DLGAP2: variants seen among roughly 807,000 people sequenced by gnomAD.
DLGAP2 encodes DLG associated protein 2.
DLGAP2 carries 26 observed loss-of-function variants against 100.3 expected under a neutral mutation model. That is an observed-to-expected ratio of 0.26 (90% confidence interval 0.19 to 0.36). The LOEUF is 0.36. Among genes scored for constraint, DLGAP2 ranks in the 10% least tolerant of loss-of-function variants. The pLI, the probability that DLGAP2 is intolerant of heterozygous loss-of-function variation, is 1.00. For synonymous variants in DLGAP2, 886 were observed against 630.1 expected (o/e 1.41, Z -6.08); for missense variants, 1,858 against 1,453.2 (o/e 1.28, Z -4.53).
intron 2 of DLGAP2, among the ~76,000 whole-genome samples, chr8:1,020,621 G>A (rs1206527173): frequency 1.3e-5 from 2 of 152,240 alleles, no homozygotes; most frequent in Non-Finnish European, 2.9e-5. Context: ...CATTAACAGC[G>A]ATGGTGGTGA....
intron 4 of DLGAP2, among the ~76,000 whole-genome samples, chr8:1,526,799 C>G (rs1800810002): frequency 6.6e-6 from 1 of 152,194 alleles, no homozygotes; most frequent in African/African-American, 2.4e-5. Context: ...CCCAGAGCTT[C>G]CCAGAGACTC....
At chr8:773,459 C>G (rs1026619865) in intron 1 of DLGAP2, among the ~76,000 whole-genome samples, 1 of 151,644 alleles carries the variant, frequency 6.6e-6, no homozygotes, top group Non-Finnish European at 1.5e-5. Context: ...AACTCGTCAT[C>G]TAGCATTAGG....
At chr8:1,187,698 C>T (rs1797540121) in intron 2 of DLGAP2, among the ~76,000 whole-genome samples, 1 of 147,312 alleles carries the variant, frequency 6.8e-6, no homozygotes, top group African/African-American at 2.5e-5. Context: ...CGCCCAGGAC[C>T]TCTGTGACGT....
At chr8:1,350,263 T>C (rs11985120) in intron 3 of DLGAP2, among the ~76,000 whole-genome samples, 6,269 of 34,546 alleles carry the variant, frequency 0.18, 368 homozygotes, top group East Asian at 0.21. Context: ...CCTGAGCATG[T>C]GTGGAACGGC....
At chr8:1,424,813 A>G (rs561202874) in intron 3 of DLGAP2, among the ~76,000 whole-genome samples, 1 of 152,326 alleles carries the variant, frequency 6.6e-6, no homozygotes, top group South Asian at 2.1e-4. Flanking sequence ...ATCCCCTTAT[A>G]CGCAGCACCT....
rs144952484 is a variant in DLGAP2, at chr8:1,445,559, C to T, written c.107-55807C>T. On this transcript the variant is annotated intron_variant, in intron 3 of 14. Coordinates refer to ENST00000637795, the MANE Select transcript of DLGAP2 (RefSeq NM_001346810.2). Reference sequence around the variant, plus strand: ...GTGCCGCAATAAACACACGCGTGCACGTGTCTTTATAGCAGCATGATTTAT... The same window carrying T: ...GTGCCGCAATAAACACACGCGTGCATGTGTCTTTATAGCAGCATGATTTAT... 7.4e-3 allele frequency among the ~76,000 whole-genome samples: 1,130 copies of T among 152,154 alleles called. 15 individuals are homozygous for T. Among genetic ancestry groups the T allele is most frequent in the African/African-American group, 0.025 (1,038 of 41,510 alleles).
chr8:1,120,713 G>A (rs573314494), intron 2 of DLGAP2, among the ~76,000 whole-genome samples: 7 of 151,444 alleles, frequency 4.6e-5, no homozygotes, highest in South Asian at 2.1e-4. Flanking sequence ...ATCCGTTACC[G>A]CCCATTCTAG....
rs548600337 is a variant in DLGAP2, at chr8:827,847, T to C, written c.19-80065T>C. On this transcript the variant is annotated intron_variant, in intron 1 of 14. Coordinates refer to ENST00000637795, the MANE Select transcript of DLGAP2 (RefSeq NM_001346810.2). ...CTGCCCCGATAATCACGTAGGTTCTTTTCTATTTTCCTAAGCGTCGGCTGG... is the reference window on the plus strand; with the variant it reads ...CTGCCCCGATAATCACGTAGGTTCTCTTCTATTTTCCTAAGCGTCGGCTGG... 1.9e-3 allele frequency among the ~76,000 whole-genome samples: 290 copies of C among 152,262 alleles called. 1 individual carries two copies. The highest frequency in any genetic ancestry group is 3.0e-3 in the Non-Finnish European group (205 of 68,020).
intron 1 of DLGAP2, among the ~76,000 whole-genome samples, chr8:775,415 C>T (rs1292433788): frequency 2.7e-5 from 4 of 145,898 alleles, no homozygotes; most frequent in African/African-American, 7.6e-5. Context: ...AGAGGGCATC[C>T]CTGTCTTGTG....
intron 3 of DLGAP2, chr8:1,302,323 T>G (rs1436417572): frequency 8.8e-6 from 1 of 113,404 alleles, no homozygotes; most frequent in East Asian, 2.4e-4. Flanking sequence ...GTTCCCGAGC[T>G]CTGCTCCACA....
intron 2 of DLGAP2, among the ~76,000 whole-genome samples, chr8:1,227,271 A>T (rs563421097): frequency 6.7e-6 from 1 of 148,908 alleles, no homozygotes; most frequent in East Asian, 2.0e-4. Flanking sequence ...CCTTATAAAA[A>T]TAAGATCCTT....
At chr8:1,311,273 C>G (rs1191583666) in intron 3 of DLGAP2, among the ~76,000 whole-genome samples, 1 of 152,080 alleles carries the variant, frequency 6.6e-6, no homozygotes, top group African/African-American at 2.4e-5. Context: ...GAGATCGAAT[C>G]TATAATGATA....
At chr8:1,460,076 A>G (rs1364687191) in intron 3 of DLGAP2, among the ~76,000 whole-genome samples, 1 of 152,234 alleles carries the variant, frequency 6.6e-6, no homozygotes, top group Admixed American at 6.5e-5. Context: ...TGTCAAGAAC[A>G]CGTGCAGCGT....
intron 6 of DLGAP2, among the ~76,000 whole-genome samples, chr8:1,574,411 G>C (rs759721829): frequency 2.6e-5 from 4 of 152,042 alleles, no homozygotes; most frequent in Non-Finnish European, 5.9e-5. Context: ...TAGAGATGAA[G>C]ACCCTGTCTC....
At chr8:1,024,761 A>G (rs571588874) in intron 2 of DLGAP2, among the ~76,000 whole-genome samples, 2 of 152,230 alleles carry the variant, frequency 1.3e-5, no homozygotes, top group Admixed American at 6.5e-5. Context: ...CTCTGGGTGA[A>G]ACGGACCTTC....
intron 2 of DLGAP2, among the ~76,000 whole-genome samples, chr8:1,085,793 G>C (rs1322726941): frequency 1.3e-5 from 2 of 152,122 alleles, no homozygotes; most frequent in Non-Finnish European, 2.9e-5. Context: ...TGTTTTTTCT[G>C]TATCTACAAG....
chr8:755,158 C>G (rs535136812), intron 1 of DLGAP2, among the ~76,000 whole-genome samples: 8 of 152,106 alleles, frequency 5.3e-5, no homozygotes, highest in Admixed American at 1.3e-4. Context: ...ACAGTGTTTT[C>G]TGGATTTAGA....
At chr8:1,254,302 C>G (rs1331736836) in intron 2 of DLGAP2, among the ~76,000 whole-genome samples, 1 of 152,196 alleles carries the variant, frequency 6.6e-6, no homozygotes, top group Admixed American at 6.5e-5. Flanking sequence ...ATCATGTGAC[C>G]TCTGATGGGT....
chr8:834,093 C>T (rs554923082), intron 1 of DLGAP2, among the ~76,000 whole-genome samples: 79 of 152,278 alleles, frequency 5.2e-4, no homozygotes, highest in African/African-American at 1.9e-3. Flanking sequence ...GGCTGAATCA[C>T]GTTCCCAGGC....
Sources: allele counts gnomAD v4.1 joint callset (sites outside exome capture counted in the v4.1 genomes callset), GRCh38; gene constraint gnomAD v4.1.1; transcripts MANE v1.5; gene names NCBI Gene and HGNC (gene_info 2026-07-23, HGNC 2026-07-21).